Variants in GYG1 observed in about 807,000 individuals in gnomAD.
GYG1 encodes glycogenin 1.
GYG1 carries 44 observed loss-of-function variants against 41.9 expected under a neutral mutation model. The ratio of observed to expected loss-of-function variants is 1.05; its 90% confidence interval spans 0.83 to 1.35. The LOEUF (loss-of-function observed/expected upper bound fraction) is 1.35, where lower values mean the gene tolerates loss of function less well. GYG1 is among the 40% of genes most tolerant of loss of function. The pLI is 0.00. For synonymous variants in GYG1, 141 were observed against 158.1 expected (o/e 0.89, Z 0.81); for missense variants, 429 against 418.9 (o/e 1.02, Z -0.21).
chr3:149,011,164 G>T (rs1359730459), intron 5 of GYG1, among the ~76,000 whole-genome samples: 2 of 152,122 alleles, frequency 1.3e-5, no homozygotes, highest in African/African-American at 4.8e-5. Context: ...CAGACAACAG[G>T]ATTCACTGTC....
At chr3:148,992,434 A>G (rs562827700) in intron 1 of GYG1, 2 of 152,460 alleles carry the variant, frequency 1.3e-5, no homozygotes, top group African/African-American at 4.8e-5. Context: ...ACTCCTACCC[A>G]GCTGTCATTG....
Position 149,026,834 on chromosome 3 carries a change from G to T in GYG1, c.954G>T (p.Ser318=). The T allele has an allele frequency of 5.6e-6, 9 of 1,613,886 alleles. No individual in the cohort carries two copies. Among genetic ancestry groups the T allele is most frequent in the Non-Finnish European group, 7.6e-6 (9 of 1,179,854 alleles). The change falls in exon 8 of 8, where the codon TCG becomes TCT. Residue 318 remains serine (S), a synonymous_variant. Transcript: ENST00000345003. ...CTATGGCACAGCCGTTTGTATCCTCGGAAGAACGGAAGGAACGATGGGAAC... is the reference window on the plus strand; with the variant it reads ...CTATGGCACAGCCGTTTGTATCCTCTGAAGAACGGAAGGAACGATGGGAAC... ...IPAMAQPFVS[S]EERKERWEQG... is the part of the protein sequence containing the mutation.
At position 149,027,165 on chromosome 3, in the gene GYG1, A is replaced by G; in HGVS notation, c.*232A>G. ...TTTAATCCTATTTAGCTTGTTTCAG[A>G]AATTCTCACTTTTGTTGACTGCCAA... On this transcript the variant is annotated 3_prime_UTR_variant, in exon 8 of 8. Transcript: ENST00000345003. The G allele has an allele frequency of 1.8e-6, 1 of 546,524 alleles. No homozygotes were observed. The highest frequency in any genetic ancestry group is 2.9e-5 in the East Asian group (1 of 34,116). The allele number at this position is 546,524 out of a possible 1,614,324, so 33.9% of individuals were successfully genotyped here. A position where few individuals can be genotyped will look rare whatever the true frequency, so the allele number is the denominator to read the frequency against.
rs565936280 is a variant in GYG1, at chr3:149,004,347, G to A, written c.482-4929G>A. 3.9e-5 allele frequency among the ~76,000 whole-genome samples: 6 copies of A among 152,318 alleles called. No homozygotes were observed. In the South Asian group the frequency reaches 1.2e-3, roughly 32 times the overall value. ...ATCGGACAAAAGTTGTAGGGTTTTTGTTATGGAAAATCAGCAGTCTTTAGG... is the reference window on the plus strand; with the variant it reads ...ATCGGACAAAAGTTGTAGGGTTTTTATTATGGAAAATCAGCAGTCTTTAGG... On this transcript the variant is annotated intron_variant, in intron 4 of 7. Coordinates refer to ENST00000345003, the MANE Select transcript of GYG1 (RefSeq NM_004130.4).
rs58075146 is a variant in GYG1 at position 149,017,582 on chromosome 3, G to GTTTTTTTTTTTTTTTTTTTTTTTTTT, written c.609-6466_609-6441dup. ...TTATTTATTTATTTCTTTTATTTAG[G>GTTTTTTTTTTTTTTTTTTTTTTTTTT]TTTTTTTTTTTTTTTTTTTTTTTTT... On this transcript the variant is annotated intron_variant, in intron 5 of 7. Transcript: ENST00000345003. 1.1e-4 allele frequency among the ~76,000 whole-genome samples: 5 copies of GTTTTTTTTTTTTTTTTTTTTTTTTTT among 47,382 alleles called. 1 individual carries two copies. The highest frequency in any genetic ancestry group is 2.8e-4 in the African/African-American group (5 of 18,088). The allele number at this position is 47,382 out of a possible 152,430, so 31.1% of individuals were successfully genotyped here.
At chr3:149,025,770 T>C (rs1399571067) in intron 6 of GYG1, among the ~76,000 whole-genome samples, 5 of 152,156 alleles carry the variant, frequency 3.3e-5, no homozygotes, top group Non-Finnish European at 7.4e-5. Flanking sequence ...TGCTTAAAAG[T>C]AGCCATCTAC....
At chr3:149,014,209 G>A (rs977342495) in intron 5 of GYG1, among the ~76,000 whole-genome samples, 8 of 152,008 alleles carry the variant, frequency 5.3e-5, no homozygotes, top group Non-Finnish European at 1.2e-4. Flanking sequence ...TTCACAGAGT[G>A]GCTATCTGGT....
intron 2 of GYG1, among the ~76,000 whole-genome samples, chr3:148,994,536 C>T (rs556280318): frequency 7.2e-5 from 11 of 152,190 alleles, no homozygotes; most frequent in Middle Eastern, 3.4e-3. Flanking sequence ...AAGAAGGAGT[C>T]GTCTTCCTTC....
At chr3:149,004,091 G>C (rs1713260571) in intron 4 of GYG1, 1 of 152,242 alleles carries the variant, frequency 6.6e-6, no homozygotes, top group Non-Finnish European at 1.5e-5. Flanking sequence ...CGGGTGGAAG[G>C]ATGATTCAGA....
In GYG1 at chr3:149,009,202, C is replaced by T. The variant is rs1032947316; in HGVS notation, c.482-74C>T. 42 of 1,143,804 alleles carry T rather than the reference C, an allele frequency of 3.7e-5. No individual in the cohort carries two copies. In the Admixed American group the frequency reaches 5.6e-4, roughly 15 times the overall value. 70.9% of individuals were successfully genotyped at this position (1,143,804 alleles called of 1,614,324 possible). The stretch of plus-strand genomic sequence containing the variant: ...GAATTAGTGTCTATTTTTAAAGGTC[C>T]AGTTATGTGCTCCTATAAAATTATT... On this transcript the variant is annotated intron_variant, in intron 4 of 7. Coordinates refer to ENST00000345003, the MANE Select transcript of GYG1 (RefSeq NM_004130.4).
In GYG1 at chr3:148,992,188, G is replaced by A. The variant is rs1712523775; in HGVS notation, c.7+541G>A. Among the ~76,000 whole-genome samples the A allele has an allele frequency of 2.0e-5, 3 of 152,264 alleles. No individual in the cohort carries two copies. In the South Asian group the frequency reaches 6.2e-4, roughly 31 times the overall value. On this transcript the variant is annotated intron_variant, in intron 1 of 7. Transcript: ENST00000345003. ...CTTTGGGGCCGGGTTGCGGGAAGCC[G>A]GGAGTCGGACTAGCGTCCCCGGGCG...
At chr3:149,024,395 A>G in intron 6 of GYG1, 123 bp downstream of exon 6, 1 of 712,024 alleles carries the variant, frequency 1.4e-6, no homozygotes, top group Non-Finnish European at 2.5e-6. Context: ...TTTTGTGGAA[A>G]GAAAACAATA....
chr3:148,998,551 C>T (rs1712931758), intron 4 of GYG1, among the ~76,000 whole-genome samples: 1 of 152,172 alleles, frequency 6.6e-6, no homozygotes, highest in South Asian at 2.1e-4. Flanking sequence ...GTATCTGAAC[C>T]ATAATGTATG....
chr3:149,024,485 GTTA>G lies in GYG1; in HGVS notation c.828+216_828+218del, dbSNP rs527957978. ...AGATTTCTTTGGATCTGAGAACACA[GTTA>G]TTTAGAATTTTCTGTATATACCCAT... On this transcript the variant is annotated intron_variant, in intron 6 of 7. Coordinates refer to ENST00000345003, the MANE Select transcript of GYG1 (RefSeq NM_004130.4). 2.9e-3 allele frequency among the ~76,000 whole-genome samples: 448 copies of G among 152,304 alleles called. 1 individual carries two copies. The highest frequency in any genetic ancestry group is 4.7e-3 in the Non-Finnish European group (322 of 68,012).
At chr3:149,013,681 C>G (rs1713862478) in intron 5 of GYG1, among the ~76,000 whole-genome samples, 1 of 152,102 alleles carries the variant, frequency 6.6e-6, no homozygotes, top group African/African-American at 2.4e-5. Context: ...TTCACTAAGA[C>G]CTTATCAAAC....
At chr3:149,025,833 T>G (rs546181242) in intron 6 of GYG1, among the ~76,000 whole-genome samples, 10 of 152,244 alleles carry the variant, frequency 6.6e-5, no homozygotes, top group Non-Finnish European at 1.3e-4. Flanking sequence ...GAGTTACACT[T>G]TAAATGCTAA....
At chr3:149,015,504 C>T (rs1713971360) in intron 5 of GYG1, among the ~76,000 whole-genome samples, 1 of 152,074 alleles carries the variant, frequency 6.6e-6, no homozygotes, top group African/African-American at 2.4e-5. Flanking sequence ...TTGCAGAAGC[C>T]GAGCAAGGAA....
Position 149,027,310 on chromosome 3 carries a change from T to G in GYG1, c.*377T>G, listed in dbSNP as rs2107925618. The G allele has an allele frequency of 3.6e-6, 1 of 280,594 alleles. No individual in the cohort carries two copies. The highest frequency in any genetic ancestry group is 6.9e-6 in the Non-Finnish European group (1 of 144,934). The allele number at this position is 280,594 out of a possible 1,614,324, so 17.4% of individuals were successfully genotyped here. On this transcript the variant is annotated 3_prime_UTR_variant, in exon 8 of 8. Coordinates refer to ENST00000345003, the MANE Select transcript of GYG1 (RefSeq NM_004130.4). ...GCAGACATGGCATCTGTTCCTTGCT[T>G]GCTTGTTGGTTGTGTACCTTTCACG...
intron 5 of GYG1, among the ~76,000 whole-genome samples, chr3:149,014,862 T>A (rs1255389505): frequency 2.2e-4 from 25 of 114,150 alleles, no homozygotes; most frequent in Non-Finnish European, 2.7e-4. Flanking sequence ...AGCAAGACTC[T>A]GTCTCAAAAA....
Sources: gnomAD v4.1 joint callset for allele counts (sites outside exome capture counted in the v4.1 genomes callset) on GRCh38, gnomAD v4.1.1 for gene constraint, MANE v1.5 for transcripts, NCBI Gene and HGNC (gene_info 2026-07-23, HGNC 2026-07-21) for gene names.